Variants in YTHDF1 observed in about 807,000 individuals in gnomAD.
YTHDF1 encodes the protein YTH domain-containing family protein 1.
YTHDF1 carries 16 observed loss-of-function variants against 49.1 expected under a neutral mutation model. The observed-to-expected ratio is 0.33, with a 90% CI of 0.22 to 0.49. The LOEUF is 0.49. Ranked by LOEUF, YTHDF1 falls within the 20% of genes least tolerant of loss-of-function variation. The pLI, the probability that YTHDF1 is intolerant of heterozygous loss-of-function variation, is 0.99. For missense variants in YTHDF1, 621 were observed against 744.3 expected (o/e 0.83, Z 1.93); for synonymous variants, 313 against 290.1 (o/e 1.08, Z -0.80).
Position 63,203,475 on chromosome 20 carries a change from C to CG in YTHDF1, c.464dup (p.Ser156GlufsTer9), listed in dbSNP as rs750137607. On this transcript the variant is annotated frameshift_variant, in exon 4 of 5. Coordinates refer to ENST00000370339, the MANE Select transcript of YTHDF1 (RefSeq NM_017798.4). LOFTEE classifies it high-confidence loss of function. The surrounding 1 kb of genome is among the most constrained non-coding windows in gnomAD (Gnocchi z 4.4). The stretch of plus-strand genomic sequence containing the variant: ...CAACCACCGTGCCACCCAGGGAGCT[C>CG]GGGGGGTAGGTGTAGCTGCTCCCAT... 1.2e-6 allele frequency: 2 copies of CG among 1,613,332 alleles called. No individual in the cohort carries two copies. The highest frequency in any genetic ancestry group is 1.7e-6 in the Non-Finnish European group (2 of 1,179,820).
At chr20:63,204,974 T>C (rs1423388072) in intron 3 of YTHDF1, among the ~76,000 whole-genome samples, 3 of 148,118 alleles carry the variant, frequency 2.0e-5, no homozygotes, top group Non-Finnish European at 4.5e-5. Flanking sequence ...GGCTCCCACC[T>C]AGACGCATCG....
intron 4 of YTHDF1, among the ~76,000 whole-genome samples, chr20:63,199,518 TAA>T (rs11386506): frequency 7.2e-6 from 1 of 138,386 alleles, no homozygotes; most frequent in African/African-American, 2.7e-5. Context: ...GATTCTGTCT[TAA>T]AAAAAAAAAA....
intron 4 of YTHDF1, among the ~76,000 whole-genome samples, chr20:63,201,656 G>T (rs56051592): frequency 0.01 from 1,560 of 152,342 alleles, 24 homozygotes; most frequent in African/African-American, 0.035. Context: ...ATTATAAAAT[G>T]TCTGGATTCC....
intron 3 of YTHDF1, among the ~76,000 whole-genome samples, chr20:63,210,862 C>T (rs1384692449): frequency 2.0e-5 from 3 of 152,074 alleles, no homozygotes; most frequent in African/African-American, 7.3e-5. Context: ...TTCCTCTGCT[C>T]CCCCAACTCC....
At position 63,203,052 on chromosome 20, in the gene YTHDF1, T is replaced by G. The variant is rs148171986; in HGVS notation, c.888A>C (p.Pro296=). The G allele has an allele frequency of 1.4e-5, 22 of 1,605,608 alleles. No individual in the cohort carries two copies. The African/African-American group carries it at 2.7e-4, about 19-fold the overall frequency. ...GAGGCTGAGCCACCTGCTGGGGCTG[T>G]GGGGCAGCCTGTGGAGAGGGTGCCT... ...PQQAPSPQAA[P]QPQQVAQPLP... is the part of the protein sequence containing the mutation. The change falls in exon 4 of 5, where the codon CCA becomes CCC. Residue 296 remains proline, a synonymous_variant. Transcript: ENST00000370339. The surrounding 1 kb of genome is among the most constrained non-coding windows in gnomAD (Gnocchi z 4.4).
intron 3 of YTHDF1, among the ~76,000 whole-genome samples, chr20:63,211,710 T>G (rs1464288154): frequency 6.6e-6 from 1 of 152,116 alleles, no homozygotes; most frequent in African/African-American, 2.4e-5. Flanking sequence ...TCCTAGCACT[T>G]TGGGAGGCCA....
At chr20:63,199,194 C>T (rs1045779708) in intron 4 of YTHDF1, among the ~76,000 whole-genome samples, 1 of 152,220 alleles carries the variant, frequency 6.6e-6, no homozygotes, top group Admixed American at 6.5e-5. Context: ...GGCGCACAAC[C>T]CTCTCCTCGG....
chr20:63,211,793 C>T (rs1160963161), intron 3 of YTHDF1, among the ~76,000 whole-genome samples: 1 of 152,078 alleles, frequency 6.6e-6, no homozygotes. Flanking sequence ...GTGTCTACAA[C>T]CAACCAATCA....
intron 4 of YTHDF1, 86 bp downstream of exon 4, chr20:63,202,201 G>GCATCTGCT (rs749244467): frequency 6.1e-5 from 92 of 1,500,036 alleles, no homozygotes; most frequent in Non-Finnish European, 7.7e-5. Context: ...CGGACCTGCC[G>GCATCTGCT]CATCTGCTCA....
chr20:63,200,619 C>T (rs1417105954), intron 4 of YTHDF1, among the ~76,000 whole-genome samples: 1 of 152,136 alleles, frequency 6.6e-6, no homozygotes, highest in East Asian at 1.9e-4. Flanking sequence ...ACCCTGCAGG[C>T]CGCTTACCAA....
chr20:63,204,803 G>A (rs993215887), intron 3 of YTHDF1, among the ~76,000 whole-genome samples: 1 of 152,112 alleles, frequency 6.6e-6, no homozygotes, highest in Admixed American at 6.5e-5. Flanking sequence ...CAGCAGTTCT[G>A]GGACGGCATC....
At chr20:63,214,932 C>T (rs2066594073) in intron 2 of YTHDF1, among the ~76,000 whole-genome samples, 1 of 152,186 alleles carries the variant, frequency 6.6e-6, no homozygotes, top group Admixed American at 6.5e-5. Flanking sequence ...TTTCCTTTTA[C>T]ACCACTTACC....
Position 63,202,541 on chromosome 20 carries a change from G to C in YTHDF1, c.1399C>G (p.Gln467Glu). Residue 467 changes from glutamine to glutamate, a missense_variant, in exon 4 of 5, where the codon CAG becomes GAG. Gln to Glu is a conservative substitution (Grantham distance 29). This residue lies in a region of YTHDF1 where 151 missense variants were observed against 248.5 expected (regional missense o/e 0.61). Coordinates refer to ENST00000370339, the MANE Select transcript of YTHDF1 (RefSeq NM_017798.4). ...DYGTSAGVWS[Q>E]DKWKGKFDVQ... Reference sequence around the variant, plus strand: ...TCAAACTTCCCCTTCCACTTGTCCTGAGACCAGACCCCGGCACTGGTGCCG... The same window carrying C: ...TCAAACTTCCCCTTCCACTTGTCCTCAGACCAGACCCCGGCACTGGTGCCG... 5.0e-6 allele frequency: 8 copies of C among 1,614,238 alleles called. No individual in the cohort carries two copies. The highest frequency in any genetic ancestry group is 6.8e-6 in the Non-Finnish European group (8 of 1,180,052).
At position 63,215,992 on chromosome 20, in the gene YTHDF1, C is replaced by T. The variant is rs2066600671; in HGVS notation, c.-100G>A. The T allele has an allele frequency of 9.1e-7, 1 of 1,092,914 alleles. No individual in the cohort carries two copies. The highest frequency in any genetic ancestry group is 4.6e-5 in the East Asian group (1 of 21,730). The allele number at this position is 1,092,914 out of a possible 1,614,324, so 67.7% of individuals were successfully genotyped here. A position where few individuals can be genotyped will look rare whatever the true frequency, so the allele number is the denominator to read the frequency against. On this transcript the variant is annotated 5_prime_UTR_variant, in exon 1 of 5. Transcript: ENST00000370339. ...CTAGCTCGCGCGGCCCCGGGCCCCG[C>T]CGCCAATTCCCCGGGCGCCGGCCGG... is the stretch of plus-strand genomic sequence containing the variant.
intron 3 of YTHDF1, among the ~76,000 whole-genome samples, chr20:63,206,947 G>C (rs2066549451): frequency 6.6e-6 from 1 of 151,370 alleles, no homozygotes; most frequent in Non-Finnish European, 1.5e-5. Context: ...CCTGGTCACA[G>C]TGCGTGGGAG....
chr20:63,200,033 G>A (rs184100951), intron 4 of YTHDF1, among the ~76,000 whole-genome samples: 7 of 152,168 alleles, frequency 4.6e-5, no homozygotes, highest in African/African-American at 1.7e-4. Flanking sequence ...CAGCCCGGCA[G>A]ACGGAGAAAG....
At chr20:63,207,729 G>A (rs79209136) in intron 3 of YTHDF1, among the ~76,000 whole-genome samples, 1,886 of 152,164 alleles carry the variant, frequency 0.012, 52 homozygotes, top group African/African-American at 0.043. Context: ...ATTTTTAGCC[G>A]GGCACAGTGG....
chr20:63,213,071 C>A (rs1027940362), intron 3 of YTHDF1, among the ~76,000 whole-genome samples: 2 of 152,190 alleles, frequency 1.3e-5, no homozygotes, highest in Non-Finnish European at 2.9e-5. Flanking sequence ...TCTCTCTCTT[C>A]TACAGAAAAG....
chr20:63,206,327 C>T (rs978637332), intron 3 of YTHDF1, among the ~76,000 whole-genome samples: 2 of 152,230 alleles, frequency 1.3e-5, no homozygotes, highest in African/African-American at 2.4e-5. Flanking sequence ...ACACTTCTGA[C>T]TTACACCTAA....
Sources: gnomAD v4.1 joint callset for allele counts (sites outside exome capture counted in the v4.1 genomes callset) on GRCh38, gnomAD v4.1.1 for gene constraint, gnomAD v4.1.1 regional missense constraint, Gnocchi (gnomAD v3.1) non-coding constraint, MANE v1.5 for transcripts, NCBI Gene and HGNC (gene_info 2026-07-23, HGNC 2026-07-21) for gene names.